MCC: variants seen among roughly 807,000 people sequenced by gnomAD.
MCC encodes the protein colorectal mutant cancer protein.
MCC carries 90 observed loss-of-function variants against 116.2 expected under a neutral mutation model. That is an observed-to-expected ratio of 0.77 (90% confidence interval 0.65 to 0.92). The LOEUF is 0.92. Among genes scored for constraint, MCC ranks in the 40% least tolerant of loss-of-function variants. MCC has a pLI of 0.00. For synonymous variants in MCC, 578 were observed against 510.5 expected, an observed-to-expected ratio of 1.13 and a Z score of -1.78; for missense variants, 1,516 against 1,312.2, an observed-to-expected ratio of 1.16 and a Z score of -2.40.
At chr5:113,320,712 T>C (rs1767403861) in intron 3 of MCC, among the ~76,000 whole-genome samples, 1 of 152,218 alleles carries the variant, frequency 6.6e-6, no homozygotes, top group African/African-American at 2.4e-5. Flanking sequence ...ATATTAAACA[T>C]TCCTTTTTGC....
intron 1 of MCC, among the ~76,000 whole-genome samples, chr5:113,425,556 T>C (rs1242718418): frequency 2.0e-5 from 3 of 152,162 alleles, no homozygotes; most frequent in Admixed American, 1.3e-4. Flanking sequence ...ATTAGGAGAA[T>C]AGGTAAAGGG....
Position 113,287,750 on chromosome 5 carries a change from A to G in MCC, c.627+52769T>C, listed in dbSNP as rs80208989. On this transcript the variant is annotated intron_variant, in intron 3 of 18. Coordinates refer to ENST00000408903, the MANE Select transcript of MCC (RefSeq NM_001085377.2). ...AGCTAGGCAGCTATTACAACTGCAC[A>G]CTTGACTTTATTTCCTGAGTATCAC... Among the ~76,000 whole-genome samples, 93 of 152,318 alleles carry G rather than the reference A, an allele frequency of 6.1e-4. 1 individual carries two copies. In the East Asian group the frequency reaches 0.016, roughly 26 times the overall value.
chr5:113,163,668 G>T (rs148973201), intron 3 of MCC, among the ~76,000 whole-genome samples: 1 of 152,090 alleles, frequency 6.6e-6, no homozygotes, highest in Non-Finnish European at 1.5e-5. Context: ...AGAATTTCAC[G>T]CAGTATTTGT....
At chr5:113,187,109 T>C (rs1761931171) in intron 3 of MCC, among the ~76,000 whole-genome samples, 1 of 152,128 alleles carries the variant, frequency 6.6e-6, no homozygotes, top group Non-Finnish European at 1.5e-5. Flanking sequence ...CCAAACTCAT[T>C]TAAACTTTCA....
At chr5:113,184,450 T>C (rs988431032) in intron 3 of MCC, among the ~76,000 whole-genome samples, 1 of 151,360 alleles carries the variant, frequency 6.6e-6, no homozygotes, top group African/African-American at 2.4e-5. Flanking sequence ...TTTTCCCACA[T>C]AGCAATTTAG....
intron 1 of MCC, among the ~76,000 whole-genome samples, chr5:113,427,837 A>G (rs562063605): frequency 1.3e-5 from 2 of 152,214 alleles, no homozygotes; most frequent in Non-Finnish European, 2.9e-5. Context: ...GTGATGAGGA[A>G]CATTCATACA....
At chr5:113,107,853 G>C (rs1362110740) in intron 6 of MCC, among the ~76,000 whole-genome samples, 2 of 152,158 alleles carry the variant, frequency 1.3e-5, no homozygotes, top group African/African-American at 4.8e-5. Context: ...GAGGGTGCTG[G>C]GTTACAGGGA....
At chr5:113,191,871 C>G (rs1279554323) in intron 3 of MCC, among the ~76,000 whole-genome samples, 1 of 152,140 alleles carries the variant, frequency 6.6e-6, no homozygotes, top group Non-Finnish European at 1.5e-5. Context: ...TTCTATGGGA[C>G]AATGTTGGAC....
At chr5:113,217,952 T>C (rs554597169) in intron 3 of MCC, among the ~76,000 whole-genome samples, 33 of 152,168 alleles carry the variant, frequency 2.2e-4, no homozygotes, top group African/African-American at 7.9e-4. Flanking sequence ...GTGCCGCACA[T>C]ATCCCAAACA....
At chr5:113,178,475 G>GA (rs1761451789) in intron 3 of MCC, among the ~76,000 whole-genome samples, 1 of 152,096 alleles carries the variant, frequency 6.6e-6, no homozygotes, top group African/African-American at 2.4e-5. Context: ...ATTTATGAGG[G>GA]ATATATTGGG....
In MCC at chr5:113,110,798, CT is replaced by C. The variant is rs886352863; in HGVS notation, c.1028-6444del. The stretch of plus-strand genomic sequence containing the variant: ...ATAGGGCTATGGTGTCTGGCATGGC[CT>C]TTTTTTTATTTTTAAAACAGTTTTT... On this transcript the variant is annotated intron_variant, in intron 6 of 18. Transcript: ENST00000408903. Among the ~76,000 whole-genome samples the C allele has an allele frequency of 4.0e-4, 61 of 152,122 alleles. 1 individual carries two copies. Among genetic ancestry groups the C allele is most frequent in the African/African-American group, 1.4e-3 (57 of 41,486 alleles).
intron 6 of MCC, chr5:113,104,761 G>C (rs1287687993): frequency 1.3e-5 from 2 of 158,690 alleles, no homozygotes; most frequent in Non-Finnish European, 2.8e-5. Context: ...AGAATGAGCA[G>C]AGATGCTAGG....
At chr5:113,223,199 T>C (rs886768901) in intron 3 of MCC, among the ~76,000 whole-genome samples, 1 of 152,176 alleles carries the variant, frequency 6.6e-6, no homozygotes, top group Non-Finnish European at 1.5e-5. Flanking sequence ...TCATGCAACG[T>C]CTCATGTGCC....
intron 11 of MCC, 32 bp from the exon 12 acceptor site, chr5:113,071,266 G>A (rs1754023258): frequency 6.2e-7 from 1 of 1,601,712 alleles, no homozygotes; most frequent in African/African-American, 1.3e-5. Flanking sequence ...ATTCACACTA[G>A]GGTTACAGTT....
intron 1 of MCC, among the ~76,000 whole-genome samples, chr5:113,446,119 T>C (rs1043775431): frequency 6.6e-6 from 1 of 152,222 alleles, no homozygotes; most frequent in African/African-American, 2.4e-5. Context: ...CAGTTTTAAA[T>C]GTAAAACCTC....
intron 14 of MCC, among the ~76,000 whole-genome samples, chr5:113,054,917 C>T (rs980909993): frequency 6.6e-6 from 1 of 152,226 alleles, no homozygotes; most frequent in South Asian, 2.1e-4. Flanking sequence ...CAGGCTGCTC[C>T]CCGTGCCTCC....
chr5:113,386,730 G>A (rs1173272077), intron 1 of MCC, among the ~76,000 whole-genome samples: 1 of 142,626 alleles, frequency 7.0e-6, no homozygotes, highest in Non-Finnish European at 1.5e-5. Context: ...CTGTGTACAT[G>A]TGTGTCTGTG....
At chr5:113,397,480 G>A (rs1769556491) in intron 1 of MCC, among the ~76,000 whole-genome samples, 1 of 151,898 alleles carries the variant, frequency 6.6e-6, no homozygotes, top group African/African-American at 2.4e-5. Flanking sequence ...CAAAAATCAA[G>A]ATTGAAAGAA....
intron 1 of MCC, among the ~76,000 whole-genome samples, chr5:113,421,783 T>G (rs1462748312): frequency 6.6e-6 from 1 of 152,152 alleles, no homozygotes; most frequent in East Asian, 1.9e-4. Context: ...CCATTGCCTT[T>G]GTCAGTTAAT....
Sources: gnomAD v4.1 joint callset for allele counts (sites outside exome capture counted in the v4.1 genomes callset) on GRCh38, gnomAD v4.1.1 for gene constraint, MANE v1.5 for transcripts, NCBI Gene and HGNC (gene_info 2026-07-23, HGNC 2026-07-21) for gene names.